IPP: variants seen among roughly 807,000 people sequenced by gnomAD.
IPP encodes actin-binding protein IPP.
Under a neutral mutation model 64.1 loss-of-function variants are expected in IPP, and 41 were observed. The observed-to-expected ratio is 0.64, with a 90% CI of 0.50 to 0.83. The LOEUF (loss-of-function observed/expected upper bound fraction) is 0.83, where lower values mean the gene tolerates loss of function less well. Ranked by LOEUF, IPP falls within the 40% of genes least tolerant of loss-of-function variation. The pLI is 0.00. For synonymous variants in IPP, 214 were observed against 235.2 expected, an observed-to-expected ratio of 0.91 and a Z score of 0.83; for missense variants, 649 against 703.0, an observed-to-expected ratio of 0.92 and a Z score of 0.87.
intron 8 of IPP, among the ~76,000 whole-genome samples, chr1:45,707,439 A>G (rs1003809908): frequency 6.6e-6 from 1 of 151,342 alleles, no homozygotes; most frequent in African/African-American, 2.4e-5. Context: ...AAAAAAAAAA[A>G]AAAGACATGA....
chr1:45,740,030 G>A (rs564265129), intron 3 of IPP, among the ~76,000 whole-genome samples: 28 of 152,146 alleles, frequency 1.8e-4, no homozygotes, highest in Admixed American at 1.7e-3. Flanking sequence ...GACTCTTAAC[G>A]AGCATGCTGC....
Position 45,727,617 on chromosome 1 carries a change from AT to A in IPP, c.1048+13del. The A allele has an allele frequency of 1.3e-6, 2 of 1,491,954 alleles. No individual in the cohort carries two copies. Among genetic ancestry groups the A allele is most frequent in the East Asian group, 2.3e-5 (1 of 43,558 alleles). 92.4% of individuals were successfully genotyped at this position (1,491,954 alleles called of 1,614,324 possible). On this transcript the variant is annotated intron_variant, in intron 5 of 8. Coordinates refer to ENST00000396478, the MANE Select transcript of IPP (RefSeq NM_005897.3). ...ACAAGACTAATTAAGAAAATAAGAC[AT>A]TTTTATTATTACCTCCAATAGCGTA...
intron 5 of IPP, among the ~76,000 whole-genome samples, chr1:45,723,614 C>T (rs1370528568): frequency 6.6e-6 from 1 of 152,176 alleles, no homozygotes; most frequent in Non-Finnish European, 1.5e-5. Flanking sequence ...GAAGTTATTG[C>T]TTAAAATTCT....
At chr1:45,730,132 G>A (rs1467891955) in intron 3 of IPP, among the ~76,000 whole-genome samples, 1 of 152,164 alleles carries the variant, frequency 6.6e-6, no homozygotes, top group Non-Finnish European at 1.5e-5. Flanking sequence ...TGGATTGCTT[G>A]AGCCCAGGAG....
At chr1:45,695,784 C>T (rs573279912), downstream of IPP, among the ~76,000 whole-genome samples, 40 of 152,262 alleles carry the variant, frequency 2.6e-4, no homozygotes, top group African/African-American at 8.9e-4. Context: ...ATTCTCCTGC[C>T]TCAGCCTCCC....
At chr1:45,713,132 T>G (rs1195398385) in intron 8 of IPP, among the ~76,000 whole-genome samples, 2 of 152,036 alleles carry the variant, frequency 1.3e-5, no homozygotes, top group East Asian at 1.9e-4. Context: ...GAGCTGAGAT[T>G]GTTGGGATTT....
chr1:45,713,850 C>G (rs1041819478), intron 8 of IPP, among the ~76,000 whole-genome samples: 1 of 152,128 alleles, frequency 6.6e-6, no homozygotes, highest in Non-Finnish European at 1.5e-5. Flanking sequence ...TGGGCCACCA[C>G]GCCTAGCAGT....
At chr1:45,736,045 A>C (rs912541450) in intron 3 of IPP, among the ~76,000 whole-genome samples, 2 of 150,236 alleles carry the variant, frequency 1.3e-5, no homozygotes, top group African/African-American at 4.9e-5. Flanking sequence ...CAGGAGGCGG[A>C]GGTTGCAGTG....
intron 8 of IPP, among the ~76,000 whole-genome samples, chr1:45,701,436 C>T (rs1416016389): frequency 2.0e-5 from 3 of 152,182 alleles, no homozygotes; most frequent in Non-Finnish European, 4.4e-5. Context: ...TACAGGAACC[C>T]GCCACCACGC....
intron 3 of IPP, among the ~76,000 whole-genome samples, chr1:45,731,431 C>T (rs1645903737): frequency 6.6e-6 from 1 of 152,128 alleles, no homozygotes; most frequent in Non-Finnish European, 1.5e-5. Context: ...CAGAGTGAGA[C>T]TCTGTCTCAA....
intron 8 of IPP, among the ~76,000 whole-genome samples, chr1:45,702,145 T>C (rs1459595800): frequency 6.6e-6 from 1 of 152,210 alleles, no homozygotes; most frequent in African/African-American, 2.4e-5. Flanking sequence ...AAAATGCCCC[T>C]TGACAATAAC....
chr1:45,742,379 G>GA (rs1321776309), intron 2 of IPP, among the ~76,000 whole-genome samples: 1 of 151,226 alleles, frequency 6.6e-6, no homozygotes, highest in Non-Finnish European at 1.5e-5. Context: ...AAGTTGGAAA[G>GA]AAAAAAAACA....
chr1:45,738,839 CAAAAAAAA>C (rs752168393), intron 3 of IPP, among the ~76,000 whole-genome samples: 3 of 7,696 alleles, frequency 3.9e-4, no homozygotes, highest in South Asian at 4.3e-3. Context: ...GACTCCATCT[CAAAAAAAA>C]AAAAAAAAAA....
chr1:45,718,021 C>T (rs772522762), intron 6 of IPP, among the ~76,000 whole-genome samples: 1 of 152,182 alleles, frequency 6.6e-6, no homozygotes, highest in Non-Finnish European at 1.5e-5. Context: ...AGGCTGAGAG[C>T]TACATCAACT....
chr1:45,702,646 G>A (rs184511171), intron 8 of IPP, among the ~76,000 whole-genome samples: 1 of 152,072 alleles, frequency 6.6e-6, no homozygotes, highest in East Asian at 1.9e-4. Context: ...GTAGAGACAG[G>A]GTTTTACCAT....
intron 1 of IPP, among the ~76,000 whole-genome samples, chr1:45,749,972 G>A (rs1267770872): frequency 2.0e-5 from 3 of 152,132 alleles, no homozygotes; most frequent in African/African-American, 4.8e-5. Flanking sequence ...AGGATCGCTA[G>A]AGCCTGAGAA....
chr1:45,695,808 T>TA (rs1469546350), downstream of IPP, among the ~76,000 whole-genome samples: 1 of 152,176 alleles, frequency 6.6e-6, no homozygotes, highest in Non-Finnish European at 1.5e-5. Context: ...TACCTGGGAT[T>TA]ACAGGCATGC....
intron 8 of IPP, among the ~76,000 whole-genome samples, chr1:45,712,867 A>G (rs868807859): frequency 0.025 from 3,380 of 135,924 alleles, 132 homozygotes; most frequent in African/African-American, 0.088. Flanking sequence ...AAAAAAAAGA[A>G]AAAAAAAAAA....
intron 7 of IPP, 102 bp downstream of exon 7, chr1:45,716,793 A>AT: frequency 1.0e-6 from 1 of 980,766 alleles, no homozygotes; most frequent in Non-Finnish European, 1.5e-6. Flanking sequence ...CAGTCATTCA[A>AT]TACTAACAGA....
Sources: gnomAD v4.1 joint callset for allele counts (sites outside exome capture counted in the v4.1 genomes callset) on GRCh38, gnomAD v4.1.1 for gene constraint, MANE v1.5 for transcripts, NCBI Gene and HGNC (gene_info 2026-07-23, HGNC 2026-07-21) for gene names.